Variants in TAB2 observed in about 807,000 individuals in gnomAD.
TAB2 encodes the protein TGF-beta activated kinase 1 (MAP3K7) binding protein 2.
A neutral mutation model predicts 65.0 loss-of-function variants in TAB2; 3 were observed. The ratio of observed to expected loss-of-function variants is 0.05; its 90% CI spans 0.02 to 0.12. The LOEUF (loss-of-function observed/expected upper bound fraction) is 0.12. Ranked by LOEUF, TAB2 falls within the 10% of genes least tolerant of loss-of-function variation. TAB2 has a pLI of 1.00. For missense variants in TAB2, 623 were observed against 840.3 expected, an observed-to-expected ratio of 0.74 and a Z score of 3.20; for synonymous variants, 298 against 285.1, an observed-to-expected ratio of 1.05 and a Z score of -0.46.
At chr6:149,328,844 T>C (rs1779696200) in intron 1 of TAB2, among the ~76,000 whole-genome samples, 2 of 152,024 alleles carry the variant, frequency 1.3e-5, no homozygotes, top group Non-Finnish European at 2.9e-5. Context: ...TCCTATTCAG[T>C]AAGGGATGAA....
chr6:149,275,299 A>AGAAAGAAG (rs1778449490), intron 1 of TAB2, among the ~76,000 whole-genome samples: 1 of 138,534 alleles, frequency 7.2e-6, no homozygotes, highest in Admixed American at 7.2e-5. Context: ...AAAGAAAGAA[A>AGAAAGAAG]GAGAAAAAAG....
rs77865499 is a variant in TAB2 at position 149,238,861 on chromosome 6, A to T, written c.-121+20085A>T. Among the ~76,000 whole-genome samples the T allele has an allele frequency of 5.0e-3, 769 of 152,304 alleles. 4 individuals are homozygous for T. The highest frequency in any genetic ancestry group is 0.018 in the African/African-American group (735 of 41,558). On this transcript the variant is annotated intron_variant, in intron 1 of 1. Transcript: ENST00000606202. ...GAAGCTTCTTGACTTACTCATGGAG[A>T]CTGTCACATCTTAGACGACAGAGCC...
intron 1 of TAB2, among the ~76,000 whole-genome samples, chr6:149,357,421 G>GAAAAAAA (rs1244546884): frequency 9.2e-6 from 1 of 108,432 alleles, no homozygotes; most frequent in African/African-American, 3.9e-5. Flanking sequence ...GTCTCAAGGA[G>GAAAAAAA]AAAAAAAAAA....
chr6:149,388,464 T>G (rs1781873714), intron 3 of TAB2, among the ~76,000 whole-genome samples: 1 of 152,234 alleles, frequency 6.6e-6, no homozygotes, highest in Non-Finnish European at 1.5e-5. Flanking sequence ...TGAGGCTCTC[T>G]CTAAAGAGAT....
At chr6:149,291,576 C>G (rs1485624514) in intron 1 of TAB2, 1 of 152,354 alleles carries the variant, frequency 6.6e-6, no homozygotes, top group Non-Finnish European at 1.5e-5. Context: ...AACTGTCACA[C>G]CGGCCTGGGT....
At chr6:149,250,599 C>A (rs1225537158) in intron 1 of TAB2, among the ~76,000 whole-genome samples, 1 of 152,194 alleles carries the variant, frequency 6.6e-6, no homozygotes, top group Non-Finnish European at 1.5e-5. Context: ...AGCCACCATG[C>A]CCAGCCAACC....
In TAB2 at chr6:149,337,444, GA is replaced by G. The variant is rs539174049; in HGVS notation, c.-90+19434del. On this transcript the variant is annotated intron_variant, in intron 1 of 6. Coordinates refer to ENST00000637181, the MANE Select transcript of TAB2 (RefSeq NM_001292034.3). The stretch of plus-strand genomic sequence containing the variant: ...GTGGAACCAAACTGGAGAAGGCATT[GA>G]AAAACCACACTGAGGGGTTTTAGCT... Among the ~76,000 whole-genome samples the G allele has an allele frequency of 2.0e-5, 3 of 152,222 alleles. 1 individual carries two copies. The South Asian group carries it at 6.2e-4, about 32-fold the overall frequency.
chr6:149,365,221 T>C (rs1781000496), intron 1 of TAB2, among the ~76,000 whole-genome samples: 1 of 152,216 alleles, frequency 6.6e-6, no homozygotes, highest in Non-Finnish European at 1.5e-5. Context: ...CTGTTTATTA[T>C]GAGAAATAAT....
At chr6:149,300,145 A>G (rs1318080954) in intron 1 of TAB2, among the ~76,000 whole-genome samples, 2 of 152,202 alleles carry the variant, frequency 1.3e-5, no homozygotes, top group Non-Finnish European at 2.9e-5. Flanking sequence ...TAGGACTAGG[A>G]AGATGGAAAA....
At chr6:149,284,718 C>T (rs949655477) in intron 1 of TAB2, among the ~76,000 whole-genome samples, 2 of 151,584 alleles carry the variant, frequency 1.3e-5, no homozygotes, top group Non-Finnish European at 2.9e-5. Context: ...TCTATCCCAA[C>T]TCATGGGCAG....
At chr6:149,364,230 C>G (rs900755296) in intron 1 of TAB2, among the ~76,000 whole-genome samples, 1 of 152,132 alleles carries the variant, frequency 6.6e-6, no homozygotes, top group Non-Finnish European at 1.5e-5. Context: ...GATCATGTCA[C>G]CTTTCCTACC....
intron 1 of TAB2, among the ~76,000 whole-genome samples, chr6:149,364,600 C>T (rs1005181898): frequency 4.0e-5 from 6 of 151,412 alleles, no homozygotes; most frequent in Non-Finnish European, 7.4e-5. Context: ...GACTCTAATA[C>T]TTGTACTATC....
rs563059219 is a variant in TAB2, at chr6:149,259,820, CTCA to C, written c.-121+41048_-121+41050del. On this transcript the variant is annotated intron_variant, in intron 1 of 1. Coordinates refer to the TAB2 transcript ENST00000606202. Reference sequence around the variant, plus strand: ...AAGTGGCCCAAAGCCACCCCTTCCACTCATCAGTGTCAGAGCCGGGACATAGCC... The same window carrying C: ...AAGTGGCCCAAAGCCACCCCTTCCACTCAGTGTCAGAGCCGGGACATAGCC... Among the ~76,000 whole-genome samples the C allele has an allele frequency of 3.9e-5, 6 of 152,330 alleles. No homozygotes were observed. In the South Asian group the frequency reaches 1.2e-3, roughly 32 times the overall value.
chr6:149,356,140 G>A (rs1052374112), intron 1 of TAB2, among the ~76,000 whole-genome samples: 3 of 152,142 alleles, frequency 2.0e-5, no homozygotes, highest in Non-Finnish European at 4.4e-5. Flanking sequence ...AATTCCAAAT[G>A]CTTATTTCCT....
chr6:149,378,487 C>A lies in TAB2; in HGVS notation c.572C>A (p.Thr191Asn). The A allele has an allele frequency of 6.2e-7, 1 of 1,614,198 alleles. No homozygotes were observed. The highest frequency in any genetic ancestry group is 8.5e-7 in the Non-Finnish European group (1 of 1,180,038). The stretch of plus-strand genomic sequence containing the variant: ...CCAAATATCCAGACTGGTCGTAATA[C>A]TCCTACATCTTTGCACATACATGGT... Reference protein sequence around the residue: ...LAPNIQTGRNTPTSLHIHGVP... With the variant: ...LAPNIQTGRNNPTSLHIHGVP... Residue 191 changes from threonine (T) to asparagine (N), a missense_variant, in exon 3 of 7, where the codon ACT (threonine) becomes AAT (asparagine). This residue lies in a region of TAB2 where 550 missense variants were observed against 665.7 expected (regional missense o/e 0.83). Transcript: ENST00000637181.
chr6:149,402,160 T>A (rs958177903), intron 6 of TAB2, among the ~76,000 whole-genome samples: 6 of 151,848 alleles, frequency 4.0e-5, no homozygotes, highest in African/African-American at 1.2e-4. Flanking sequence ...AGAGGTTTTT[T>A]AAAAAATCAA....
chr6:149,364,603 G>A (rs1330204881), intron 1 of TAB2, among the ~76,000 whole-genome samples: 1 of 151,268 alleles, frequency 6.6e-6, no homozygotes, highest in Non-Finnish European at 1.5e-5. Context: ...TCTAATACTT[G>A]TACTATCTCC....
Position 149,369,906 on chromosome 6 carries a change from C to A in TAB2, c.-89-3C>A. The A allele has an allele frequency of 8.7e-7, 1 of 1,150,768 alleles. No homozygotes were observed. The highest frequency in any genetic ancestry group is 1.3e-6 in the Non-Finnish European group (1 of 768,724). The allele number at this position is 1,150,768 out of a possible 1,614,324, so 71.3% of individuals were successfully genotyped here. The stretch of plus-strand genomic sequence containing the variant: ...ATTAAAATTTTTTTTCTTTCTTTCA[C>A]AGAAAATGCTTGGACAGAAGAGATG... On this transcript the variant is annotated splice_region_variant and splice_polypyrimidine_tract_variant and intron_variant, in intron 1 of 6. Coordinates refer to ENST00000637181, the MANE Select transcript of TAB2 (RefSeq NM_001292034.3).
rs17798656 is a variant in TAB2, at chr6:149,266,035, T to C, written c.-121+47259T>C. ...TTAGCAAATGTTACCACCCTCAGAA[T>C]TGGAAATAATGTTATGCCCTCAAAT... On this transcript the variant is annotated intron_variant, in intron 1 of 1. Transcript: ENST00000606202. 8.1e-3 allele frequency among the ~76,000 whole-genome samples: 1,226 copies of C among 152,284 alleles called. 39 individuals carry two copies. The highest frequency in any genetic ancestry group is 0.051 in the Admixed American group (782 of 15,278).
Sources: allele counts gnomAD v4.1 joint callset (sites outside exome capture counted in the v4.1 genomes callset), GRCh38; gene constraint gnomAD v4.1.1; regional missense constraint gnomAD v4.1.1; transcripts MANE v1.5; gene names NCBI Gene and HGNC (gene_info 2026-07-23, HGNC 2026-07-21).